AGMAT: variants seen among roughly 807,000 people sequenced by gnomAD.
AGMAT encodes agmatinase (putative), also known as guanidino acid hydrolase, mitochondrial.
Under a neutral mutation model 29.3 loss-of-function variants are expected in AGMAT, and 37 were observed. The observed-to-expected ratio is 1.26, with a 90% CI of 0.97 to 1.66. The LOEUF (loss-of-function observed/expected upper bound fraction) is 1.66, where lower values mean the gene tolerates loss of function less well. AGMAT is among the 40% of genes most tolerant of loss of function. The pLI is 0.00. For synonymous variants in AGMAT, 199 were observed against 200.8 expected, an observed-to-expected ratio of 0.99 and a Z score of 0.08; for missense variants, 498 against 497.8, an observed-to-expected ratio of 1.00 and a Z score of 0.00.
At position 15,584,973 on chromosome 1, in the gene AGMAT, C is replaced by A; in HGVS notation, c.-6G>T. On this transcript the variant is annotated 5_prime_UTR_variant, in exon 1 of 7. Coordinates refer to ENST00000375826, the MANE Select transcript of AGMAT (RefSeq NM_024758.5). The stretch of plus-strand genomic sequence containing the variant: ...GACGCCAGCAGCCTCAGCATTGCCG[C>A]GCGCGGCCAAGACCTCACCGACCAA... 1.5e-6 allele frequency: 2 copies of A among 1,328,576 alleles called. No individual in the cohort carries two copies. Among genetic ancestry groups the A allele is most frequent in the South Asian group, 2.1e-5 (1 of 47,820 alleles). The allele number at this position is 1,328,576 out of a possible 1,614,324, so 82.3% of individuals were successfully genotyped here. A position where few individuals can be genotyped will look rare whatever the true frequency, so the allele number is the denominator to read the frequency against.
At chr1:15,584,316 C>CTT (rs111795327) in intron 1 of AGMAT, among the ~76,000 whole-genome samples, 123 of 150,146 alleles carry the variant, frequency 8.2e-4, no homozygotes, top group East Asian at 2.0e-3. Flanking sequence ...CTTTTTTTTT[C>CTT]TTTTTTTTGT....
chr1:15,583,507 G>C (rs935046094), intron 1 of AGMAT, 112 bp from the exon 2 acceptor site: 1 of 1,044,998 alleles, frequency 9.6e-7, no homozygotes, highest in African/African-American at 1.6e-5. Flanking sequence ...CCGTGTCGCG[G>C]CATTGCATAA....
Position 15,581,416 on chromosome 1 carries a change from T to C in AGMAT, c.476-1274A>G, listed in dbSNP as rs187471084. ...TACTCTAGGAATTGCCTTTTCACAGTATTCTAGGAAAATGCCTAGAATAGC... is the reference window on the plus strand; with the variant it reads ...TACTCTAGGAATTGCCTTTTCACAGCATTCTAGGAAAATGCCTAGAATAGC... On this transcript the variant is annotated intron_variant, in intron 2 of 6. Transcript: ENST00000375826. Among the ~76,000 whole-genome samples the C allele has an allele frequency of 5.3e-4, 81 of 152,290 alleles. 1 individual carries two copies. The East Asian group carries it at 0.014, about 27-fold the overall frequency.
chr1:15,582,262 G>A (rs1639125632), intron 2 of AGMAT, among the ~76,000 whole-genome samples: 1 of 149,960 alleles, frequency 6.7e-6, no homozygotes, highest in South Asian at 2.1e-4. Flanking sequence ...GTGAAATTCT[G>A]TCTCAAAAAA....
Position 15,584,787 on chromosome 1 carries a change from G to T in AGMAT, c.181C>A (p.Arg61Ser). The stretch of plus-strand genomic sequence containing the variant: ...TCGGGGGAGGTCTGCACCGGCAGGC[G>T]CATCATGGAGCAGACGCCCACCGGC... ...ARPVGVCSMMRLPVQTSPEGL... is the reference protein window; with the variant it reads ...ARPVGVCSMMSLPVQTSPEGL... The change falls in exon 1 of 7, where the codon CGC (arginine) becomes AGC (serine). Residue 61 changes from arginine (R) to serine (S), a missense_variant. Transcript: ENST00000375826. 1 of 1,380,150 alleles carries T rather than the reference G, an allele frequency of 7.2e-7. No individual in the cohort carries two copies. The highest frequency in any genetic ancestry group is 9.4e-7 in the Non-Finnish European group (1 of 1,067,082). 85.5% of individuals were successfully genotyped at this position (1,380,150 alleles called of 1,614,324 possible).
rs113434436 is a variant in AGMAT, at chr1:15,580,332, A to T, written c.476-190T>A. Among the ~76,000 whole-genome samples the T allele has an allele frequency of 2.5e-3, 368 of 149,004 alleles. 3 individuals are homozygous for T. Among genetic ancestry groups the T allele is most frequent in the African/African-American group, 8.6e-3 (345 of 40,102 alleles). On this transcript the variant is annotated intron_variant, in intron 2 of 6. Coordinates refer to ENST00000375826, the MANE Select transcript of AGMAT (RefSeq NM_024758.5). ...GCGATTCTCCTGCCTCAGCCTCCCG[A>T]GTAGCTGGGATTACAGGTGTGTACC... is the stretch of plus-strand genomic sequence containing the variant.
chr1:15,583,746 T>TA (rs1639147283), intron 1 of AGMAT, among the ~76,000 whole-genome samples: 1 of 152,198 alleles, frequency 6.6e-6, no homozygotes, highest in Non-Finnish European at 1.5e-5. Flanking sequence ...TCCTAATTTG[T>TA]AAAATATTTA....
At chr1:15,575,074 G>A (rs1357506265) in intron 5 of AGMAT, 2 of 431,536 alleles carry the variant, frequency 4.6e-6, no homozygotes, top group Non-Finnish European at 8.6e-6. Context: ...GAAACCAATC[G>A]TTTCAATGTC....
At chr1:15,581,247 C>T (rs1372547037) in intron 2 of AGMAT, among the ~76,000 whole-genome samples, 1 of 151,870 alleles carries the variant, frequency 6.6e-6, no homozygotes, top group East Asian at 1.9e-4. Flanking sequence ...ACTCGGGAGG[C>T]TGGAGTGGAA....
At chr1:15,576,238 G>A (rs1639035101) in intron 5 of AGMAT, 1 of 152,256 alleles carries the variant, frequency 6.6e-6, no homozygotes, top group Non-Finnish European at 1.5e-5. Context: ...GAGTAGCTGG[G>A]ATTACAGGCA....
rs1010446692 is a variant in AGMAT, at chr1:15,580,331, G to A, written c.476-189C>T. ...AGCGATTCTCCTGCCTCAGCCTCCC[G>A]AGTAGCTGGGATTACAGGTGTGTAC... On this transcript the variant is annotated intron_variant, in intron 2 of 6. Coordinates refer to ENST00000375826, the MANE Select transcript of AGMAT (RefSeq NM_024758.5). 5.4e-5 allele frequency among the ~76,000 whole-genome samples: 8 copies of A among 147,086 alleles called. No individual in the cohort carries two copies. In the East Asian group the frequency reaches 8.2e-4, roughly 15 times the overall value.
intron 2 of AGMAT, among the ~76,000 whole-genome samples, chr1:15,581,638 G>C (rs146070371): frequency 0.62 from 94,252 of 151,032 alleles, 30,421 homozygotes; most frequent in African/African-American, 0.79. Flanking sequence ...ATTTTGGGAA[G>C]CTGAGGCGGC....
At chr1:15,577,477 G>A (rs954925331) in intron 5 of AGMAT, among the ~76,000 whole-genome samples, 2 of 152,168 alleles carry the variant, frequency 1.3e-5, no homozygotes, top group African/African-American at 2.4e-5. Flanking sequence ...GGAGGCTGAG[G>A]CAGGAGAATC....
chr1:15,575,003 A>T, intron 5 of AGMAT, 162 bp from the exon 6 acceptor site: 1 of 584,190 alleles, frequency 1.7e-6, no homozygotes, highest in Non-Finnish European at 3.1e-6. Context: ...TCCCAGAGAA[A>T]CAGATAATGC....
intron 5 of AGMAT, among the ~76,000 whole-genome samples, chr1:15,577,362 C>G (rs1185447356): frequency 2.0e-5 from 3 of 152,006 alleles, no homozygotes; most frequent in Non-Finnish European, 4.4e-5. Flanking sequence ...ATCACGAGAT[C>G]AGGAGTTCAA....
At chr1:15,582,190 C>T (rs553320421) in intron 2 of AGMAT, among the ~76,000 whole-genome samples, 8 of 151,368 alleles carry the variant, frequency 5.3e-5, no homozygotes, top group African/African-American at 1.5e-4. Context: ...TGCTTGAACC[C>T]GGGAGGCGGA....
Position 15,577,738 on chromosome 1 carries a change from C to G in AGMAT, c.847G>C (p.Ala283Pro). 1 of 1,614,142 alleles carries G rather than the reference C, an allele frequency of 6.2e-7. No homozygotes were observed. The highest frequency in any genetic ancestry group is 8.5e-7 in the Non-Finnish European group (1 of 1,179,974). The change falls in exon 5 of 7, where the codon GCC becomes CCC. Residue 283 changes from alanine (A) to proline (P), a missense_variant. Transcript: ENST00000375826. The stretch of plus-strand genomic sequence containing the variant: ...GGTGTCCCTGTCCCTGGCGCATAGG[C>G]AGGATCCAGAGCGTCAATATCAAAG... ...ISFDIDALDP[A>P]YAPGTGTPEI...
intron 3 of AGMAT, among the ~76,000 whole-genome samples, chr1:15,579,563 GAC>G (rs2103438419): frequency 1.3e-5 from 2 of 152,312 alleles, no homozygotes; most frequent in African/African-American, 4.8e-5. Context: ...TGCTTCCACA[GAC>G]ACATTCTGGA....
chr1:15,583,457 C>T, intron 1 of AGMAT, 62 bp from the exon 2 acceptor site: 1 of 1,504,092 alleles, frequency 6.6e-7, no homozygotes, highest in Non-Finnish European at 9.0e-7. Context: ...TTTGCTTAGG[C>T]CAGGGCTTCT....
Sources: allele counts gnomAD v4.1 joint callset (sites outside exome capture counted in the v4.1 genomes callset), GRCh38; gene constraint gnomAD v4.1.1; transcripts MANE v1.5; gene names NCBI Gene and HGNC (gene_info 2026-07-23, HGNC 2026-07-21).